The following CNTNAP4 variants were observed in gnomAD, a reference collection of about 807,000 sequenced individuals.
CNTNAP4 encodes the protein contactin associated protein family member 4.
In CNTNAP4, 98 loss-of-function variants were observed where a neutral mutation model predicts 148.4. That is an observed-to-expected ratio of 0.66 (90% confidence interval 0.56 to 0.78). The LOEUF is 0.78. CNTNAP4 is among the 30% of genes least tolerant of loss of function. The probability of loss-of-function intolerance (pLI) is 0.00; values close to 1 mark genes in which losing one functional copy is unlikely to be tolerated. For missense variants in CNTNAP4, 1,935 were observed against 1,565.6 expected (o/e 1.24, Z -3.98); for synonymous variants, 730 against 565.1 (o/e 1.29, Z -4.14).
At chr16:76,305,105 C>T (rs1960346624) in intron 1 of CNTNAP4, among the ~76,000 whole-genome samples, 1 of 152,104 alleles carries the variant, frequency 6.6e-6, no homozygotes, top group Admixed American at 6.6e-5. Flanking sequence ...AATGAAATTG[C>T]TGGGATATAT....
At chr16:76,531,421 A>G (rs989549875) in intron 17 of CNTNAP4, among the ~76,000 whole-genome samples, 1 of 152,194 alleles carries the variant, frequency 6.6e-6, no homozygotes, top group Admixed American at 6.6e-5. Context: ...GCAGGCCCTC[A>G]ATACCATTGC....
At chr16:76,356,144 G>A (rs893032136) in intron 3 of CNTNAP4, among the ~76,000 whole-genome samples, 3 of 151,808 alleles carry the variant, frequency 2.0e-5, no homozygotes, top group African/African-American at 7.3e-5. Context: ...CAAAGTGCTG[G>A]GATTATAGGC....
At chr16:76,433,144 T>A (rs1233001747) in intron 4 of CNTNAP4, among the ~76,000 whole-genome samples, 1 of 152,112 alleles carries the variant, frequency 6.6e-6, no homozygotes, top group African/African-American at 2.4e-5. Flanking sequence ...CAGACATTCT[T>A]TTTTTGTTAT....
chr16:76,446,815 T>C, intron 4 of CNTNAP4, among the ~76,000 whole-genome samples: 1 of 152,224 alleles, frequency 6.6e-6, no homozygotes, highest in East Asian at 1.9e-4. Flanking sequence ...TGTATATTTG[T>C]GTATAGACCT....
At chr16:76,312,996 A>T (rs1272124857) in intron 1 of CNTNAP4, among the ~76,000 whole-genome samples, 2 of 152,260 alleles carry the variant, frequency 1.3e-5, no homozygotes, top group South Asian at 2.1e-4. Context: ...TGCCCATGGT[A>T]AAGAATAATA....
At chr16:76,303,791 T>G (rs922801831) in intron 1 of CNTNAP4, among the ~76,000 whole-genome samples, 15 of 152,176 alleles carry the variant, frequency 9.9e-5, no homozygotes, top group African/African-American at 3.6e-4. Flanking sequence ...CATCAAAAAT[T>G]ATTTCATAAT....
At chr16:76,483,175 T>G (rs1345260803) in intron 12 of CNTNAP4, among the ~76,000 whole-genome samples, 2 of 151,550 alleles carry the variant, frequency 1.3e-5, no homozygotes, top group African/African-American at 4.8e-5. Flanking sequence ...GAAGTTTCAT[T>G]CTGAAATTAG....
intron 3 of CNTNAP4, among the ~76,000 whole-genome samples, chr16:76,358,447 T>C: frequency 6.6e-6 from 1 of 152,130 alleles, no homozygotes; most frequent in East Asian, 1.9e-4. Flanking sequence ...TTCCTAAGCA[T>C]TTGGAAATGG....
intron 3 of CNTNAP4, among the ~76,000 whole-genome samples, chr16:76,419,083 T>A (rs2079087373): frequency 1.3e-5 from 2 of 152,088 alleles, no homozygotes; most frequent in African/African-American, 2.4e-5. Context: ...CCAACTCAAT[T>A]TAAGTGTTTC....
At chr16:76,377,901 C>T (rs1325784120) in intron 3 of CNTNAP4, among the ~76,000 whole-genome samples, 2 of 152,176 alleles carry the variant, frequency 1.3e-5, no homozygotes, top group Non-Finnish European at 2.9e-5. Context: ...GGGATGAATT[C>T]ACCATGCTAG....
At chr16:76,455,832 A>G (rs1214610804) in intron 8 of CNTNAP4, among the ~76,000 whole-genome samples, 1 of 152,128 alleles carries the variant, frequency 6.6e-6, no homozygotes, top group African/African-American at 2.4e-5. Context: ...TGCACTACAG[A>G]TATGTGTTGT....
intron 2 of CNTNAP4, among the ~76,000 whole-genome samples, chr16:76,321,370 T>G (rs766731542): frequency 4.6e-5 from 7 of 152,238 alleles, no homozygotes; most frequent in Non-Finnish European, 8.8e-5. Context: ...TATGCTTCAT[T>G]AAATCTTCCA....
Position 76,448,104 on chromosome 16 carries a change from A to G in CNTNAP4, c.631A>G (p.Lys211Glu), listed in dbSNP as rs35363016. The G allele has an allele frequency of 0.02, 31,651 of 1,613,634 alleles. 346 individuals are homozygous for G. Among genetic ancestry groups the G allele is most frequent in the Middle Eastern group, 0.036 (218 of 6,060 alleles). ...LSPIKDIISL[K>E]FKTMQSDGIL... ...CCCAATAAAAGACATTATTTCTTTGAAATTCAAAACCATGCAGAGTGATGG... is the reference window on the plus strand; with the variant it reads ...CCCAATAAAAGACATTATTTCTTTGGAATTCAAAACCATGCAGAGTGATGG... The change falls in exon 5 of 24, where the codon AAA becomes GAA. Residue 211 changes from lysine (K) to glutamate (E), a missense_variant. Transcript: ENST00000611870.
At chr16:76,356,620 C>A (rs955009054) in intron 3 of CNTNAP4, among the ~76,000 whole-genome samples, 4 of 151,868 alleles carry the variant, frequency 2.6e-5, no homozygotes, top group African/African-American at 9.7e-5. Flanking sequence ...GGGCTAAGAA[C>A]AATGTACTGC....
chr16:76,364,255 AAAAAC>A (rs2013829530), intron 3 of CNTNAP4, among the ~76,000 whole-genome samples: 1 of 151,212 alleles, frequency 6.6e-6, no homozygotes, highest in East Asian at 1.9e-4. Context: ...AAAAAAAAAA[AAAAAC>A]AGAAAAGAAA....
At chr16:76,519,744 A>G (rs1269601676) in intron 15 of CNTNAP4, among the ~76,000 whole-genome samples, 1 of 152,110 alleles carries the variant, frequency 6.6e-6, no homozygotes, top group South Asian at 2.1e-4. Context: ...CTGATAATAT[A>G]TGGTTTCATT....
chr16:76,534,506 G>C (rs2084130210), intron 17 of CNTNAP4, among the ~76,000 whole-genome samples: 1 of 152,076 alleles, frequency 6.6e-6, no homozygotes, highest in Admixed American at 6.5e-5. Context: ...ATTTAGGTTA[G>C]GGTACTCTTT....
rs574379356 is a variant in CNTNAP4, at chr16:76,286,355, C to G, written c.85+8608C>G. Among the ~76,000 whole-genome samples the G allele has an allele frequency of 2.6e-5, 4 of 152,096 alleles. No individual in the cohort carries two copies. The East Asian group carries it at 5.8e-4, about 22-fold the overall frequency. ...GATTGCTTCATATTTGCTATCCATA[C>G]CAGAGTAGTCTCCAGTATGCTTTTA... On this transcript the variant is annotated intron_variant, in intron 1 of 23. Transcript: ENST00000611870.
At chr16:76,385,536 C>A (rs2016435326) in intron 3 of CNTNAP4, among the ~76,000 whole-genome samples, 1 of 141,174 alleles carries the variant, frequency 7.1e-6, no homozygotes, top group South Asian at 2.3e-4. Context: ...AAAATTAACA[C>A]TTTAATTAGA....
Sources: gnomAD v4.1 joint callset for allele counts (sites outside exome capture counted in the v4.1 genomes callset) on GRCh38, gnomAD v4.1.1 for gene constraint, MANE v1.5 for transcripts, NCBI Gene and HGNC (gene_info 2026-07-23, HGNC 2026-07-21) for gene names.